The following UBE2E2 variants were observed in gnomAD, a reference collection of about 807,000 sequenced individuals.
UBE2E2 encodes ubiquitin conjugating enzyme E2 E2, also known as ubiquitin-conjugating enzyme E2 E2.
A neutral mutation model predicts 24.7 loss-of-function variants in UBE2E2; 6 were observed. The observed-to-expected ratio is 0.24, with a 90% CI of 0.13 to 0.48. The LOEUF (loss-of-function observed/expected upper bound fraction) is 0.48. Among genes scored for constraint, UBE2E2 ranks in the 20% least tolerant of loss-of-function variants. UBE2E2 has a pLI of 0.99. For synonymous variants in UBE2E2, 104 were observed against 83.6 expected (o/e 1.24, Z -1.33); for missense variants, 169 against 245.0 (o/e 0.69, Z 2.07).
Position 23,589,253 on chromosome 3 carries a change from CA to C in UBE2E2, c.509-472del, listed in dbSNP as rs77436946. ...CAACATAGTGAGACCCCCAAAATTACAAAAAAAAATTTGAAAATTAGCCAGG... is the reference window on the plus strand; with the variant it reads ...CAACATAGTGAGACCCCCAAAATTACAAAAAAAATTTGAAAATTAGCCAGG... On this transcript the variant is annotated intron_variant, in intron 5 of 5. Transcript: ENST00000396703. This position sits in a 1 kb window ranked among gnomAD's most constrained non-coding sequence, Gnocchi z 4.1. Among the ~76,000 whole-genome samples the C allele has an allele frequency of 2.0e-5, 3 of 150,598 alleles. No homozygotes were observed. Among genetic ancestry groups the C allele is most frequent in the Non-Finnish European group, 3.0e-5 (2 of 67,580 alleles).
chr3:23,422,760 A>G (rs563996145), intron 3 of UBE2E2, among the ~76,000 whole-genome samples: 1 of 152,318 alleles, frequency 6.6e-6, no homozygotes, highest in African/African-American at 2.4e-5. Context: ...ATAGAATAGG[A>G]TGTTTGCTTG....
chr3:23,431,155 T>C (rs550550787), intron 3 of UBE2E2, among the ~76,000 whole-genome samples: 1 of 152,212 alleles, frequency 6.6e-6, no homozygotes, highest in African/African-American at 2.4e-5. Context: ...AATAAAAGGG[T>C]TTTGAGATGA....
intron 3 of UBE2E2, among the ~76,000 whole-genome samples, chr3:23,298,025 A>G (rs1698959563): frequency 6.6e-6 from 1 of 151,692 alleles, no homozygotes; most frequent in African/African-American, 2.4e-5. Flanking sequence ...TTGGATTCCT[A>G]GATATTTTAT....
At chr3:23,456,745 A>G (rs1429608858) in intron 3 of UBE2E2, among the ~76,000 whole-genome samples, 2 of 152,210 alleles carry the variant, frequency 1.3e-5, no homozygotes, top group African/African-American at 4.8e-5. Context: ...GATTTAGCAT[A>G]ATTATTTAAG....
intron 3 of UBE2E2, among the ~76,000 whole-genome samples, chr3:23,400,209 A>G (rs1238264692): frequency 6.6e-6 from 1 of 152,234 alleles, no homozygotes; most frequent in East Asian, 1.9e-4. Context: ...CCAAGCTTGG[A>G]AAATCATGTT....
chr3:23,495,615 G>A (rs1204576762), intron 3 of UBE2E2, among the ~76,000 whole-genome samples: 1 of 152,108 alleles, frequency 6.6e-6, no homozygotes, highest in African/African-American at 2.4e-5. Flanking sequence ...CTACTTTTAA[G>A]CTCTTCCTTC....
chr3:23,269,335 T>C (rs1387515303), intron 3 of UBE2E2, among the ~76,000 whole-genome samples: 1 of 152,146 alleles, frequency 6.6e-6, no homozygotes. Context: ...GAATCTACAA[T>C]GAACTCAAAA....
intron 5 of UBE2E2, among the ~76,000 whole-genome samples, chr3:23,547,167 T>C (rs1695544164): frequency 6.6e-6 from 1 of 152,228 alleles, no homozygotes; most frequent in African/African-American, 2.4e-5. Context: ...ACAGCTTCTC[T>C]CAAGAGAGGA....
intron 5 of UBE2E2, among the ~76,000 whole-genome samples, chr3:23,542,834 G>A (rs59380333): frequency 8.7e-4 from 133 of 152,320 alleles, no homozygotes; most frequent in African/African-American, 2.9e-3. Context: ...TAATCTTGGT[G>A]TAAATTTAGA....
chr3:23,245,858 G>A (rs2125341431), intron 3 of UBE2E2, among the ~76,000 whole-genome samples: 1 of 152,190 alleles, frequency 6.6e-6, no homozygotes, highest in Middle Eastern at 3.4e-3. Flanking sequence ...ACTGTGTTTT[G>A]CATATTTACA....
intron 3 of UBE2E2, among the ~76,000 whole-genome samples, chr3:23,492,630 A>T (rs1338464843): frequency 6.6e-6 from 1 of 152,174 alleles, no homozygotes; most frequent in Non-Finnish European, 1.5e-5. Flanking sequence ...TAAAAAGCCC[A>T]TTCCCCTTTG....
At chr3:23,524,128 GTTA>G (rs1251374167) in intron 4 of UBE2E2, among the ~76,000 whole-genome samples, 4 of 152,030 alleles carry the variant, frequency 2.6e-5, no homozygotes, top group Non-Finnish European at 4.4e-5. Context: ...TATTTTGAAT[GTTA>G]TTATCAGAAT....
chr3:23,467,154 G>C (rs1398971881), intron 3 of UBE2E2, among the ~76,000 whole-genome samples: 4 of 152,114 alleles, frequency 2.6e-5, no homozygotes, highest in Non-Finnish European at 4.4e-5. Flanking sequence ...TGTTTCATTA[G>C]GATTTCAAAG....
At position 23,363,561 on chromosome 3, in the gene UBE2E2, C is replaced by T. The variant is rs1188505070; in HGVS notation, c.228-136047C>T. Among the ~76,000 whole-genome samples, 6 of 152,206 alleles carry T rather than the reference C, an allele frequency of 3.9e-5. No homozygotes were observed. The East Asian group carries it at 5.8e-4, about 15-fold the overall frequency. On this transcript the variant is annotated intron_variant, in intron 3 of 5. Coordinates refer to ENST00000396703, the MANE Select transcript of UBE2E2 (RefSeq NM_152653.4). ...TCAGAAAACACAAAGAAAGGCATTACGTAATGGCAACAGGCCAAATTCAAC... is the reference window on the plus strand; with the variant it reads ...TCAGAAAACACAAAGAAAGGCATTATGTAATGGCAACAGGCCAAATTCAAC...
chr3:23,211,259 G>A (rs747286323), intron 2 of UBE2E2, among the ~76,000 whole-genome samples: 18 of 152,004 alleles, frequency 1.2e-4, no homozygotes, highest in Non-Finnish European at 2.4e-4. Flanking sequence ...ACACTTTTTT[G>A]TTGACGATCA....
At chr3:23,449,897 G>A (rs1559387163) in intron 3 of UBE2E2, 1 of 985,442 alleles carries the variant, frequency 1.0e-6, no homozygotes. Flanking sequence ...CACCAGTGCG[G>A]AGGCCCCACA....
At chr3:23,287,546 G>A (rs1222553438) in intron 3 of UBE2E2, among the ~76,000 whole-genome samples, 1 of 152,120 alleles carries the variant, frequency 6.6e-6, no homozygotes, top group East Asian at 1.9e-4. Context: ...AAGCCATCAG[G>A]TTCTGGGGTT....
intron 3 of UBE2E2, among the ~76,000 whole-genome samples, chr3:23,370,453 C>T (rs1338636058): frequency 2.0e-5 from 3 of 152,118 alleles, no homozygotes. Context: ...AAGTAAACCC[C>T]ATTATAGAAG....
chr3:23,517,722 A>G (rs535374049), intron 4 of UBE2E2, among the ~76,000 whole-genome samples: 4 of 152,284 alleles, frequency 2.6e-5, no homozygotes, highest in African/African-American at 7.2e-5. Context: ...ACATACAACT[A>G]TCAGTTTTGT....
Sources: gnomAD v4.1 joint callset for allele counts (sites outside exome capture counted in the v4.1 genomes callset) on GRCh38, gnomAD v4.1.1 for gene constraint, Gnocchi (gnomAD v3.1) non-coding constraint, MANE v1.5 for transcripts, NCBI Gene and HGNC (gene_info 2026-07-23, HGNC 2026-07-21) for gene names.